STK39: variants seen among roughly 807,000 people sequenced by gnomAD.
The protein encoded by STK39 is STE20/SPS1-related proline-alanine-rich protein kinase.
Under a neutral mutation model 77.8 loss-of-function variants are expected in STK39, and 20 were observed. The observed-to-expected ratio is 0.26, with a 90% confidence interval of 0.18 to 0.37. The LOEUF (loss-of-function observed/expected upper bound fraction) is 0.37, where lower values mean the gene tolerates loss of function less well. STK39 is among the 10% of genes least tolerant of loss of function. STK39 has a pLI of 1.00. For missense variants in STK39, 479 were observed against 656.5 expected (o/e 0.73, Z 2.95); for synonymous variants, 246 against 234.1 (o/e 1.05, Z -0.47).
In STK39 at chr2:168,213,942, T is replaced by C. The variant is rs569750981; in HGVS notation, c.209-31852A>G. On this transcript the variant is annotated intron_variant, in intron 1 of 17. Coordinates refer to ENST00000355999, the MANE Select transcript of STK39 (RefSeq NM_013233.3). Reference sequence around the variant, plus strand: ...AAGGCTAAGTAGTTCAATTATGGTATATACGAATAGTAGAATATTCTATAG... The same window carrying C: ...AAGGCTAAGTAGTTCAATTATGGTACATACGAATAGTAGAATATTCTATAG... Among the ~76,000 whole-genome samples, 17 of 152,336 alleles carry C rather than the reference T, an allele frequency of 1.1e-4. No homozygotes were observed. The East Asian group carries it at 2.7e-3, about 24-fold the overall frequency.
intron 16 of STK39, among the ~76,000 whole-genome samples, chr2:167,982,160 C>T (rs1349636158): frequency 6.6e-6 from 1 of 152,116 alleles, no homozygotes; most frequent in Non-Finnish European, 1.5e-5. Flanking sequence ...TTGTTATAGG[C>T]GTCCCAATAT....
At chr2:168,060,851 C>A (rs1359210296) in intron 14 of STK39, among the ~76,000 whole-genome samples, 1 of 151,352 alleles carries the variant, frequency 6.6e-6, no homozygotes, top group Non-Finnish European at 1.5e-5. Flanking sequence ...GAAAGTCACT[C>A]CGACAGTGAA....
At chr2:168,167,545 A>G (rs1161206476) in intron 2 of STK39, 138 bp from the exon 3 acceptor site, 1 of 671,314 alleles carries the variant, frequency 1.5e-6, no homozygotes, top group Non-Finnish European at 2.6e-6. Context: ...CATTACTTCA[A>G]AGAAGGTATA....
rs1228765248 is a variant in STK39 at position 168,234,729 on chromosome 2, C to A, written c.208+12499G>T. Among the ~76,000 whole-genome samples, 5 of 152,290 alleles carry A rather than the reference C, an allele frequency of 3.3e-5. No individual in the cohort carries two copies. The East Asian group carries it at 7.7e-4, about 23-fold the overall frequency. On this transcript the variant is annotated intron_variant, in intron 1 of 17. Coordinates refer to ENST00000355999, the MANE Select transcript of STK39 (RefSeq NM_013233.3). ...TTACATATAACCTGGTTACATGTTA[C>A]ATAAACATGCCCTGATGAAGAAATA...
chr2:167,972,274 A>G (rs1008231901), intron 16 of STK39, among the ~76,000 whole-genome samples: 4 of 152,236 alleles, frequency 2.6e-5, no homozygotes, highest in South Asian at 2.1e-4. Flanking sequence ...TTTAATTACC[A>G]CAAGAAAAGA....
chr2:168,111,079 T>G (rs1418799450), intron 10 of STK39, among the ~76,000 whole-genome samples: 1 of 152,148 alleles, frequency 6.6e-6, no homozygotes, highest in Non-Finnish European at 1.5e-5. Flanking sequence ...CTTGTCTCAG[T>G]TTTGGTAAGT....
chr2:168,165,858 G>T (rs1449683631), intron 3 of STK39, among the ~76,000 whole-genome samples: 1 of 152,110 alleles, frequency 6.6e-6, no homozygotes, highest in Non-Finnish European at 1.5e-5. Flanking sequence ...TATAAATTCT[G>T]CTATGCTAGT....
chr2:167,956,667 GACACACACAC>G (rs762455680), intron 17 of STK39, among the ~76,000 whole-genome samples: 7 of 47,922 alleles, frequency 1.5e-4, no homozygotes, highest in Non-Finnish European at 2.2e-4. Context: ...CTTGCTTTTA[GACACACACAC>G]ACACACACAC....
chr2:168,182,166 G>T (rs2105630694), intron 1 of STK39, 76 bp from the exon 2 acceptor site: 1 of 1,268,790 alleles, frequency 7.9e-7, no homozygotes, highest in Non-Finnish European at 1.1e-6. Flanking sequence ...TTTTCCTAAA[G>T]ATCAATTTTT....
At chr2:168,209,164 G>A (rs958583580) in intron 1 of STK39, among the ~76,000 whole-genome samples, 3 of 152,074 alleles carry the variant, frequency 2.0e-5, no homozygotes, top group Admixed American at 1.3e-4. Context: ...CCCTAGGCCC[G>A]TAGGAAGCAA....
At chr2:168,240,000 T>C (rs758679600) in intron 1 of STK39, among the ~76,000 whole-genome samples, 3 of 152,272 alleles carry the variant, frequency 2.0e-5, no homozygotes, top group Non-Finnish European at 2.9e-5. Flanking sequence ...ATACATTTTT[T>C]ATATGTACAC....
intron 12 of STK39, among the ~76,000 whole-genome samples, chr2:168,071,323 G>A (rs1406594623): frequency 6.6e-6 from 1 of 151,938 alleles, no homozygotes; most frequent in Non-Finnish European, 1.5e-5. Flanking sequence ...GTGTCTACTA[G>A]ATGCAAAAGA....
At chr2:168,032,776 G>A (rs527667307) in intron 14 of STK39, among the ~76,000 whole-genome samples, 5 of 152,328 alleles carry the variant, frequency 3.3e-5, no homozygotes, top group South Asian at 2.1e-4. Flanking sequence ...AGAGAGGAAA[G>A]AAGCTCTGAA....
intron 3 of STK39, among the ~76,000 whole-genome samples, chr2:168,165,486 T>C (rs1688672716): frequency 6.6e-6 from 1 of 152,228 alleles, no homozygotes; most frequent in East Asian, 1.9e-4. Flanking sequence ...CTTAAGATCA[T>C]CTTGTTGGCA....
chr2:168,181,265 T>C (rs1689077370), intron 2 of STK39, among the ~76,000 whole-genome samples: 1 of 152,206 alleles, frequency 6.6e-6, no homozygotes, highest in South Asian at 2.1e-4. Flanking sequence ...ACGATATTTA[T>C]GAGATTAAAC....
chr2:168,057,745 T>C (rs764944410), intron 14 of STK39, among the ~76,000 whole-genome samples: 7 of 152,160 alleles, frequency 4.6e-5, no homozygotes, highest in Admixed American at 3.3e-4. Context: ...TCTCAACTAA[T>C]GACATTCCCT....
At chr2:168,130,678 T>A (rs533296633) in intron 8 of STK39, among the ~76,000 whole-genome samples, 1 of 152,362 alleles carries the variant, frequency 6.6e-6, no homozygotes, top group African/African-American at 2.4e-5. Flanking sequence ...TGTTCATATC[T>A]TTGCCTTCAA....
chr2:168,105,489 G>A (rs1009303281), intron 10 of STK39, among the ~76,000 whole-genome samples: 2 of 152,246 alleles, frequency 1.3e-5, no homozygotes, highest in Non-Finnish European at 2.9e-5. Context: ...TTCCCACAGT[G>A]TGATGTTATC....
chr2:168,011,206 C>T (rs999904320), intron 16 of STK39, among the ~76,000 whole-genome samples: 6 of 151,884 alleles, frequency 4.0e-5, no homozygotes, highest in African/African-American at 9.7e-5. Context: ...GGCTGAGGCA[C>T]GAGAATTGCT....
Sources: gnomAD v4.1 joint callset for allele counts (sites outside exome capture counted in the v4.1 genomes callset) on GRCh38, gnomAD v4.1.1 for gene constraint, MANE v1.5 for transcripts, NCBI Gene and HGNC (gene_info 2026-07-23, HGNC 2026-07-21) for gene names.